The following RNF150 variants were observed in gnomAD, a reference collection of about 807,000 sequenced individuals.
The protein encoded by RNF150 is ring finger protein 150.
Under a neutral mutation model 39.3 loss-of-function variants are expected in RNF150, and 24 were observed. That is an observed-to-expected ratio of 0.61 (90% confidence interval 0.44 to 0.86). RNF150 has a LOEUF of 0.86. Ranked by LOEUF, RNF150 falls within the 40% of genes least tolerant of loss-of-function variation. The pLI is 0.00. For synonymous variants in RNF150, 255 were observed against 227.3 expected (o/e 1.12, Z -1.10); for missense variants, 502 against 587.8 (o/e 0.85, Z 1.51).
intron 4 of RNF150, among the ~76,000 whole-genome samples, chr4:140,933,518 G>A (rs956689810): frequency 6.6e-6 from 1 of 152,122 alleles, no homozygotes; most frequent in Non-Finnish European, 1.5e-5. Flanking sequence ...TCCAGAATTC[G>A]AGATGTGAAA....
chr4:140,881,392 G>A (rs1315356460), intron 6 of RNF150, among the ~76,000 whole-genome samples: 1 of 152,050 alleles, frequency 6.6e-6, no homozygotes, highest in Non-Finnish European at 1.5e-5. Context: ...TCAAACTTGT[G>A]AGCTCAAGGG....
intron 1 of RNF150, among the ~76,000 whole-genome samples, chr4:141,199,632 T>G (rs1728257190): frequency 6.6e-6 from 1 of 152,138 alleles, no homozygotes; most frequent in Non-Finnish European, 1.5e-5. Context: ...TTATGCAGCA[T>G]TCTAGGAAAA....
intron 4 of RNF150, among the ~76,000 whole-genome samples, chr4:140,929,435 C>T (rs1048416703): frequency 2.2e-5 from 3 of 135,050 alleles, no homozygotes; most frequent in Middle Eastern, 5.0e-3. Context: ...GGCGCGATCT[C>T]GGCTCACTGC....
chr4:141,176,311 G>C (rs1437620806), intron 1 of RNF150, among the ~76,000 whole-genome samples: 2 of 152,040 alleles, frequency 1.3e-5, no homozygotes, highest in African/African-American at 4.8e-5. Context: ...TCACCTTGAG[G>C]GATAATGTTT....
chr4:140,893,578 AC>A lies in RNF150; in HGVS notation c.1198+17565del, dbSNP rs551478483. Among the ~76,000 whole-genome samples, 46 of 152,300 alleles carry A rather than the reference AC, an allele frequency of 3.0e-4. No individual in the cohort carries two copies. The East Asian group carries it at 8.7e-3, about 29-fold the overall frequency. On this transcript the variant is annotated intron_variant, in intron 6 of 6. Transcript: ENST00000515673. Reference sequence around the variant, plus strand: ...TCTTTCCAACTCCACCTTATTAGGTACCTTTTAAGATCATTTTCTGTTTCCT... The same window carrying A: ...TCTTTCCAACTCCACCTTATTAGGTACTTTTAAGATCATTTTCTGTTTCCT...
chr4:140,911,271 G>A lies in RNF150; in HGVS notation c.1071C>T (p.Ala357=), dbSNP rs752430049. Reference sequence around the variant, plus strand: ...AACTTTCATTCACTGTTGTGTCGCTGGCACCTGTGATCTGGTTGGTGGGTG... The same window carrying A: ...AACTTTCATTCACTGTTGTGTCGCTAGCACCTGTGATCTGGTTGGTGGGTG... ...GGPPTNQITG[A]SDTTVNESSV... is the part of the protein sequence containing the mutation. The change falls in exon 6 of 7, where the codon GCC becomes GCT. Residue 357 remains alanine, a synonymous_variant. Coordinates refer to ENST00000515673, the MANE Select transcript of RNF150 (RefSeq NM_020724.2). The A allele has an allele frequency of 6.2e-6, 10 of 1,614,002 alleles. No homozygotes were observed. Among genetic ancestry groups the A allele is most frequent in the Non-Finnish European group, 8.5e-6 (10 of 1,180,022 alleles).
intron 2 of RNF150, among the ~76,000 whole-genome samples, chr4:140,957,347 T>C (rs1426592783): frequency 1.3e-5 from 2 of 151,696 alleles, no homozygotes; most frequent in Non-Finnish European, 2.9e-5. Flanking sequence ...AAAACCACAA[T>C]GAGATACCAT....
chr4:141,197,297 CAT>C (rs1728216604), intron 1 of RNF150, among the ~76,000 whole-genome samples: 3 of 152,134 alleles, frequency 2.0e-5, no homozygotes, highest in South Asian at 4.1e-4. Flanking sequence ...TTTAGTTTTA[CAT>C]GTTAGGTACA....
chr4:141,002,711 C>T (rs549868951), intron 1 of RNF150, among the ~76,000 whole-genome samples: 1 of 152,252 alleles, frequency 6.6e-6, no homozygotes, highest in East Asian at 1.9e-4. Context: ...TATAACCAAG[C>T]CAGATATAGT....
Position 140,967,685 on chromosome 4 carries a change from C to A in RNF150, c.673G>T (p.Ala225Ser), listed in dbSNP as rs558259951. The part of the protein sequence containing the change: ...SFIVLMIISL[A>S]WLVFYYIQRF... ...TGGATGTAATAAAAGACGAGCCATG[C>A]GAGGGAAATGATCATCAGGACAATG... The change falls in exon 2 of 7, where the codon GCA becomes TCA. Residue 225 changes from alanine to serine, a missense_variant. Ala to Ser is a moderately conservative substitution (Grantham distance 99, BLOSUM62 1). Coordinates refer to ENST00000515673, the MANE Select transcript of RNF150 (RefSeq NM_020724.2). 3 of 1,613,266 alleles carry A rather than the reference C, an allele frequency of 1.9e-6. No individual in the cohort carries two copies. The highest frequency in any genetic ancestry group is 2.5e-6 in the Non-Finnish European group (3 of 1,179,484).
chr4:141,008,906 TA>T (rs1734965231), intron 1 of RNF150, among the ~76,000 whole-genome samples: 1 of 152,194 alleles, frequency 6.6e-6, no homozygotes, highest in Non-Finnish European at 1.5e-5. Context: ...CATTTTTACA[TA>T]AATTTAACAT....
chr4:141,186,248 G>A (rs976071470), intron 1 of RNF150, among the ~76,000 whole-genome samples: 1 of 152,064 alleles, frequency 6.6e-6, no homozygotes, highest in Admixed American at 6.6e-5. Context: ...CTTCTTCCTG[G>A]TTAATCTTGA....
intron 1 of RNF150, among the ~76,000 whole-genome samples, chr4:141,079,302 G>A (rs1738056989): frequency 6.6e-6 from 1 of 152,116 alleles, no homozygotes; most frequent in Non-Finnish European, 1.5e-5. Context: ...ATTAAACATT[G>A]CTTCATTCTG....
intron 6 of RNF150, among the ~76,000 whole-genome samples, chr4:140,892,786 G>A (rs952533375): frequency 3.2e-4 from 49 of 152,334 alleles, no homozygotes; most frequent in African/African-American, 1.1e-3. Flanking sequence ...GGAGGCTGGT[G>A]TAGTGTGGCT....
At position 140,923,934 on chromosome 4, in the gene RNF150, A is replaced by G. The variant is rs181291928; in HGVS notation, c.987+2043T>C. On this transcript the variant is annotated intron_variant, in intron 5 of 6. Transcript: ENST00000515673. ...GGAATTGAACAATGAGAACACATGG[A>G]CACAGGAAGGGGAACATCACACACT... is the stretch of plus-strand genomic sequence containing the variant. 9.7e-3 allele frequency among the ~76,000 whole-genome samples: 1,471 copies of G among 152,000 alleles called. 21 individuals are homozygous for G. Among genetic ancestry groups the G allele is most frequent in the African/African-American group, 0.032 (1,327 of 41,408 alleles).
chr4:140,947,719 A>C lies in RNF150; in HGVS notation c.825T>G (p.Phe275Leu). 4 of 1,596,344 alleles carry C rather than the reference A, an allele frequency of 2.5e-6. No individual in the cohort carries two copies. Among genetic ancestry groups the C allele is most frequent in the Non-Finnish European group, 3.4e-6 (4 of 1,172,992 alleles). ...CTTCAATACAAACTGCACAGTTGTC[A>C]AAATCAGACTCTGTTTCCTGCAACA... ...KKGDKETESD[F>L]DNCAVCIEGY... The change falls in exon 4 of 7, where the codon TTT (phenylalanine) becomes TTG (leucine). Residue 275 changes from phenylalanine to leucine, a missense_variant. By Grantham distance (22) the Phe-to-Leu change is conservative. Coordinates refer to ENST00000515673, the MANE Select transcript of RNF150 (RefSeq NM_020724.2).
intron 1 of RNF150, among the ~76,000 whole-genome samples, chr4:141,188,177 C>T (rs758965677): frequency 6.6e-6 from 1 of 152,138 alleles, no homozygotes; most frequent in East Asian, 1.9e-4. Context: ...TATTGGTTCC[C>T]ACTCTCTTCT....
chr4:141,160,547 G>A (rs755878080), intron 1 of RNF150, among the ~76,000 whole-genome samples: 1 of 152,130 alleles, frequency 6.6e-6, no homozygotes, highest in Non-Finnish European at 1.5e-5. Flanking sequence ...ATATGGTTTG[G>A]ATCTCTATCC....
chr4:141,065,002 A>G lies in RNF150; in HGVS notation c.484+67323T>C, dbSNP rs560273291. Among the ~76,000 whole-genome samples, 7 of 152,336 alleles carry G rather than the reference A, an allele frequency of 4.6e-5. No homozygotes were observed. In the South Asian group the frequency reaches 1.5e-3, roughly 32 times the overall value. ...TGCCTCAGCCTCCCAAGTAGCTGGGATCACAGGCATGTGCTACTACGCCTG... is the reference window on the plus strand; with the variant it reads ...TGCCTCAGCCTCCCAAGTAGCTGGGGTCACAGGCATGTGCTACTACGCCTG... On this transcript the variant is annotated intron_variant, in intron 1 of 6. Transcript: ENST00000515673.
Sources: allele counts gnomAD v4.1 joint callset (sites outside exome capture counted in the v4.1 genomes callset), GRCh38; gene constraint gnomAD v4.1.1; transcripts MANE v1.5; gene names NCBI Gene and HGNC (gene_info 2026-07-23, HGNC 2026-07-21).